ATP8B1: variants seen among roughly 807,000 people sequenced by gnomAD.
ATP8B1 encodes phospholipid-transporting ATPase IC.
ATP8B1 carries 80 observed loss-of-function variants against 149.9 expected under a neutral mutation model. The observed-to-expected ratio is 0.53, with a 90% CI of 0.45 to 0.64. ATP8B1 has a LOEUF of 0.64. ATP8B1 is among the 30% of genes least tolerant of loss of function. ATP8B1 has a pLI of 0.00. For synonymous variants in ATP8B1, 536 were observed against 562.8 expected (o/e 0.95, Z 0.67); for missense variants, 1,247 against 1,552.6 (o/e 0.80, Z 3.31).
chr18:57,674,254 A>G (rs868435277), intron 16 of ATP8B1, among the ~76,000 whole-genome samples: 3 of 145,568 alleles, frequency 2.1e-5, no homozygotes, highest in African/African-American at 5.1e-5. Context: ...AAAAAAAAAA[A>G]AAAAGAAAAG....
rs11326847 is a variant in ATP8B1, at chr18:57,669,654, CT to C, written c.1933-173del. Among the ~76,000 whole-genome samples, 65,450 of 148,412 alleles carry C rather than the reference CT, an allele frequency of 0.44. 14,640 individuals carry two copies. The highest frequency in any genetic ancestry group is 0.71 in the East Asian group (3,584 of 5,068). On this transcript the variant is annotated intron_variant, in intron 17 of 27. Coordinates refer to ENST00000648908, the MANE Select transcript of ATP8B1 (RefSeq NM_001374385.1). ...ACTTTAGAGAGGGGATTAAATGTCA[CT>C]TTTTTTTTTTTTGAGACAAGGTCTG...
At position 57,667,121 on chromosome 18, in the gene ATP8B1, G is replaced by GT; in HGVS notation, c.2255dup (p.Asp752GlufsTer11). 6.2e-7 allele frequency: 1 copy of GT among 1,613,340 alleles called. No homozygotes were observed. On this transcript the variant is annotated frameshift_variant, in exon 20 of 28. Coordinates refer to ENST00000648908, the MANE Select transcript of ATP8B1 (RefSeq NM_001374385.1). LOFTEE classifies it high-confidence loss of function. Reference sequence around the variant, plus strand: ...TATCCTCCCCATAGCAGATGGTGGTGTCTTCAGTCAGAAGTTCACAAGCAA... The same window carrying GT: ...TATCCTCCCCATAGCAGATGGTGGTGTTCTTCAGTCAGAAGTTCACAAGCAA...
At chr18:57,710,986 T>A (rs1476025367) in intron 2 of ATP8B1, among the ~76,000 whole-genome samples, 1 of 152,162 alleles carries the variant, frequency 6.6e-6, no homozygotes, top group Non-Finnish European at 1.5e-5. Context: ...AAAAGAGAAA[T>A]GCAATTCTTC....
intron 4 of ATP8B1, among the ~76,000 whole-genome samples, chr18:57,702,869 AAAAAG>A (rs1417743599): frequency 3.3e-5 from 5 of 152,054 alleles, no homozygotes; most frequent in Non-Finnish European, 7.4e-5. Context: ...AAAAAAAAAA[AAAAAG>A]AGAGAGAGAA....
intron 1 of ATP8B1, among the ~76,000 whole-genome samples, chr18:57,787,999 T>A (rs2080426514): frequency 6.6e-6 from 1 of 151,050 alleles, no homozygotes; most frequent in Non-Finnish European, 1.5e-5. Flanking sequence ...GACACTGCAC[T>A]CCAGCCTGGG....
chr18:57,774,094 T>C (rs941143875), intron 1 of ATP8B1, among the ~76,000 whole-genome samples: 2 of 152,188 alleles, frequency 1.3e-5, no homozygotes, highest in Admixed American at 6.6e-5. Flanking sequence ...GTCTCCCTGG[T>C]CCTGGAGCTT....
chr18:57,676,820 G>A (rs1316616556), intron 15 of ATP8B1, among the ~76,000 whole-genome samples: 1 of 151,570 alleles, frequency 6.6e-6, no homozygotes, highest in African/African-American at 2.4e-5. Flanking sequence ...GTTAAATAAT[G>A]GAAAATTGTC....
chr18:57,686,424 G>A (rs997635566), intron 13 of ATP8B1, among the ~76,000 whole-genome samples: 2 of 151,772 alleles, frequency 1.3e-5, no homozygotes, highest in Non-Finnish European at 2.9e-5. Flanking sequence ...CAGCCTCGAC[G>A]TACCCAGGCT....
intron 2 of ATP8B1, among the ~76,000 whole-genome samples, chr18:57,709,685 AT>A (rs35159873): frequency 2.0e-5 from 3 of 146,838 alleles, no homozygotes; most frequent in Admixed American, 6.8e-5. Context: ...TTCTTTTTTC[AT>A]TTTTTTTTTG....
rs2080382691 is a variant in ATP8B1, at chr18:57,784,005, C to A, written c.-26+18993G>T. Among the ~76,000 whole-genome samples the A allele has an allele frequency of 6.6e-6, 1 of 152,110 alleles. No homozygotes were observed. The highest frequency in any genetic ancestry group is 2.1e-4 in the South Asian group (1 of 4,822). ...TGCTACTTGAAAAAGAAAGAGTGAGCAGAGGACATAACTCAGGAGGGACTC... is the reference window on the plus strand; with the variant it reads ...TGCTACTTGAAAAAGAAAGAGTGAGAAGAGGACATAACTCAGGAGGGACTC... On this transcript the variant is annotated intron_variant, in intron 1 of 27. Coordinates refer to ENST00000648908, the MANE Select transcript of ATP8B1 (RefSeq NM_001374385.1). This position sits in a 1 kb window ranked among gnomAD's most constrained non-coding sequence, Gnocchi z 4.4.
At chr18:57,650,223 G>C in intron 27 of ATP8B1, 144 bp downstream of exon 27, 3 of 1,053,242 alleles carry the variant, frequency 2.8e-6, no homozygotes, top group Non-Finnish European at 4.2e-6. Flanking sequence ...ACTTATTTGT[G>C]AGATAGAGTT....
chr18:57,800,412 C>T (rs918285283), intron 1 of ATP8B1, among the ~76,000 whole-genome samples: 3 of 152,118 alleles, frequency 2.0e-5, no homozygotes, highest in Non-Finnish European at 2.9e-5. Context: ...ATGAGTGCAT[C>T]GGTTTCTTTT....
At chr18:57,707,655 C>A (rs528046712) in intron 2 of ATP8B1, among the ~76,000 whole-genome samples, 2 of 151,472 alleles carry the variant, frequency 1.3e-5, no homozygotes, top group Non-Finnish European at 2.9e-5. Context: ...ATTACAGGTG[C>A]CTGCCACCAC....
intron 1 of ATP8B1, among the ~76,000 whole-genome samples, chr18:57,775,352 G>A (rs1267277725): frequency 6.6e-6 from 1 of 151,084 alleles, no homozygotes; most frequent in Non-Finnish European, 1.5e-5. Context: ...AGGAGGGGGA[G>A]AGAGACGAAA....
At chr18:57,707,440 A>G (rs888017752) in intron 2 of ATP8B1, among the ~76,000 whole-genome samples, 4 of 152,208 alleles carry the variant, frequency 2.6e-5, no homozygotes, top group Admixed American at 1.3e-4. Context: ...TCCCCACCAA[A>G]TTGGCAGAGA....
chr18:57,779,152 A>G (rs2080336275), intron 1 of ATP8B1, among the ~76,000 whole-genome samples: 1 of 151,894 alleles, frequency 6.6e-6, no homozygotes, highest in Admixed American at 6.6e-5. Context: ...GCAAAACCCC[A>G]TCTCTACAAA....
At chr18:57,669,588 TAA>T in intron 17 of ATP8B1, 106 bp from the exon 18 acceptor site, 8 of 1,025,420 alleles carry the variant, frequency 7.8e-6, no homozygotes, top group Non-Finnish European at 1.2e-5. Flanking sequence ...TAACAGAATT[TAA>T]AAAGAGATCA....
At chr18:57,717,034 CA>C (rs992142026) in intron 2 of ATP8B1, among the ~76,000 whole-genome samples, 3 of 151,958 alleles carry the variant, frequency 2.0e-5, no homozygotes, top group Admixed American at 1.3e-4. Context: ...GGAAACTATA[CA>C]AAAACATGGA....
At chr18:57,665,758 A>G (rs1599088490) in intron 20 of ATP8B1, among the ~76,000 whole-genome samples, 1 of 152,012 alleles carries the variant, frequency 6.6e-6, no homozygotes, top group South Asian at 2.1e-4. Flanking sequence ...TCATCATATC[A>G]GTCAGGCTGT....
Sources: allele counts gnomAD v4.1 joint callset (sites outside exome capture counted in the v4.1 genomes callset), GRCh38; gene constraint gnomAD v4.1.1; non-coding constraint Gnocchi (gnomAD v3.1); transcripts MANE v1.5; gene names NCBI Gene and HGNC (gene_info 2026-07-23, HGNC 2026-07-21).